The following SLCO1C1 variants were observed in gnomAD, a reference collection of about 807,000 sequenced individuals.
The protein encoded by SLCO1C1 is solute carrier organic anion transporter family member 1C1.
SLCO1C1 carries 70 observed loss-of-function variants against 76.4 expected under a neutral mutation model. The ratio of observed to expected loss-of-function variants is 0.92; its 90% CI spans 0.76 to 1.12. The LOEUF (loss-of-function observed/expected upper bound fraction) is 1.12, where lower values mean the gene tolerates loss of function less well. Among genes scored for constraint, SLCO1C1 ranks in the 50% most tolerant of loss-of-function variants. The probability of loss-of-function intolerance (pLI) is 0.00; values close to 1 mark genes in which losing one functional copy is unlikely to be tolerated. For missense variants in SLCO1C1, 912 were observed against 823.8 expected, an observed-to-expected ratio of 1.11 and a Z score of -1.31; for synonymous variants, 306 against 286.1, an observed-to-expected ratio of 1.07 and a Z score of -0.70.
At chr12:20,749,044 G>A (rs928633860) in intron 13 of SLCO1C1, among the ~76,000 whole-genome samples, 2 of 152,106 alleles carry the variant, frequency 1.3e-5, no homozygotes, top group African/African-American at 4.8e-5. Context: ...CCATCGATGA[G>A]TCTGGATTGA....
At position 20,701,360 on chromosome 12, in the gene SLCO1C1, T is replaced by C. The variant is rs1200817561; in HGVS notation, c.172T>C (p.Leu58=). 18 of 1,540,212 alleles carry C rather than the reference T, an allele frequency of 1.2e-5. No homozygotes were observed. In the East Asian group the frequency reaches 1.8e-4, roughly 16 times the overall value. ...ALSFVYFAKA[L]AEGYLKSTIT... is the part of the protein sequence containing the mutation. Reference sequence around the variant, plus strand: ...GTCTTTTGTTTACTTTGCCAAAGCATTGGCAGAAGGCTATCTGAAGAGCAC... The same window carrying C: ...GTCTTTTGTTTACTTTGCCAAAGCACTGGCAGAAGGCTATCTGAAGAGCAC... The change falls in exon 3 of 15, where the codon TTG becomes CTG. Residue 58 remains leucine, a synonymous_variant. Transcript: ENST00000266509.
At chr12:20,718,797 A>G (rs1947508541) in intron 7 of SLCO1C1, among the ~76,000 whole-genome samples, 1 of 152,180 alleles carries the variant, frequency 6.6e-6, no homozygotes. Flanking sequence ...ACCTGAGAGC[A>G]CAGTTTGAAA....
At chr12:20,710,141 A>G (rs1402339729) in intron 4 of SLCO1C1, among the ~76,000 whole-genome samples, 1 of 148,146 alleles carries the variant, frequency 6.8e-6, no homozygotes, top group African/African-American at 2.5e-5. Context: ...CAACTTGAAT[A>G]TTTCAGTAAT....
intron 7 of SLCO1C1, among the ~76,000 whole-genome samples, chr12:20,718,592 A>G (rs1331434055): frequency 6.6e-6 from 1 of 152,214 alleles, no homozygotes; most frequent in Non-Finnish European, 1.5e-5. Flanking sequence ...CGAATTTAGT[A>G]TCATAATGAG....
rs1016347266 is a variant in SLCO1C1, at chr12:20,737,285, C to T, written c.1548+13C>T. 2 of 1,552,822 alleles carry T rather than the reference C, an allele frequency of 1.3e-6. No homozygotes were observed. The highest frequency in any genetic ancestry group is 1.7e-6 in the Non-Finnish European group (2 of 1,158,692). ...TGGAAAAAATATTGTAAGAAATCAC[C>T]TCTCAAGTATATGGCGATGGTCCTG... On this transcript the variant is annotated intron_variant, in intron 11 of 14. Coordinates refer to ENST00000266509, the MANE Select transcript of SLCO1C1 (RefSeq NM_017435.5).
At chr12:20,710,198 TTC>T (rs1231211273) in intron 4 of SLCO1C1, among the ~76,000 whole-genome samples, 1,698 of 131,834 alleles carry the variant, frequency 0.013, 101 homozygotes, top group African/African-American at 0.037. Context: ...TTCTCTACTT[TTC>T]TTTTTTTTTT....
chr12:20,740,787 TTATATATATATATATATATA>T (rs71039980), intron 12 of SLCO1C1, among the ~76,000 whole-genome samples: 2 of 75,058 alleles, frequency 2.7e-5, no homozygotes, highest in Non-Finnish European at 4.8e-5. Flanking sequence ...TTTATTTTAT[TTATATATATATATATATATA>T]TATATATATA....
At chr12:20,720,921 C>T (rs560026609) in intron 7 of SLCO1C1, among the ~76,000 whole-genome samples, 1 of 138,936 alleles carries the variant, frequency 7.2e-6, no homozygotes, top group East Asian at 2.2e-4. Context: ...CGCTTGAACC[C>T]GGGAGGCGGA....
intron 5 of SLCO1C1, 35 bp from the exon 6 acceptor site, chr12:20,715,104 C>T: frequency 1.2e-6 from 2 of 1,611,476 alleles, no homozygotes; most frequent in Non-Finnish European, 1.7e-6. Context: ...TTAAAGTGAT[C>T]TATTTTCAAT....
At chr12:20,744,293 G>A (rs982564122) in intron 13 of SLCO1C1, among the ~76,000 whole-genome samples, 13 of 152,182 alleles carry the variant, frequency 8.5e-5, no homozygotes, top group African/African-American at 3.1e-4. Flanking sequence ...TATAGATGGA[G>A]CCTACAGAGC....
chr12:20,705,656 C>A (rs1360895750), intron 3 of SLCO1C1, among the ~76,000 whole-genome samples: 2 of 151,826 alleles, frequency 1.3e-5, no homozygotes, highest in East Asian at 1.9e-4. Flanking sequence ...CTAAAGGGAG[C>A]CTTCTAGAAT....
In SLCO1C1 at chr12:20,701,431, G is replaced by A. The variant is rs1412663223; in HGVS notation, c.243G>A (p.Val81=). The change falls in exon 3 of 15, where the codon GTG becomes GTA. Residue 81 remains valine, a synonymous_variant. Transcript: ENST00000266509. The part of the protein sequence containing the change: ...ERRFDIPSSL[V]GVIDGSFEIG... ...GGTTTGATATCCCTTCTTCACTGGT[G>A]GGAGTTATTGATGGTAGTTTTGAAA... 1 of 1,526,158 alleles carries A rather than the reference G, an allele frequency of 6.6e-7. No individual in the cohort carries two copies. The highest frequency in any genetic ancestry group is 8.9e-7 in the Non-Finnish European group (1 of 1,120,190). The allele number at this position is 1,526,158 out of a possible 1,614,324, so 94.5% of individuals were successfully genotyped here. A position where few individuals can be genotyped will look rare whatever the true frequency, so the allele number is the denominator to read the frequency against.
At chr12:20,701,018 A>C (rs531351688) in intron 2 of SLCO1C1, among the ~76,000 whole-genome samples, 1 of 151,896 alleles carries the variant, frequency 6.6e-6, no homozygotes, top group Non-Finnish European at 1.5e-5. Flanking sequence ...TCAATGTAAG[A>C]CTCCTTTGAG....
intron 2 of SLCO1C1, chr12:20,699,998 C>A: frequency 4.5e-6 from 1 of 223,090 alleles, no homozygotes; most frequent in Non-Finnish European, 8.7e-6. Context: ...AAGCCAAGCA[C>A]AGATATAACA....
intron 9 of SLCO1C1, among the ~76,000 whole-genome samples, chr12:20,724,451 A>ATATGTGTG (rs1555129500): frequency 3.7e-4 from 28 of 75,382 alleles, no homozygotes; most frequent in East Asian, 4.4e-4. Context: ...ATATATATAT[A>ATATGTGTG]TGTGTGTGTG....
Position 20,752,290 on chromosome 12 carries a change from T to C in SLCO1C1, c.1917-16T>C. The C allele has an allele frequency of 1.4e-6, 2 of 1,471,570 alleles. No individual in the cohort carries two copies. The highest frequency in any genetic ancestry group is 2.1e-5 in the Admixed American group (1 of 47,366). 91.2% of individuals were successfully genotyped at this position (1,471,570 alleles called of 1,614,324 possible). Reference sequence around the variant, plus strand: ...GTTGTTGCATTAATTATAACAGAGATTCTCTCTTCTTCTAGACATATATAT... The same window carrying C: ...GTTGTTGCATTAATTATAACAGAGACTCTCTCTTCTTCTAGACATATATAT... On this transcript the variant is annotated splice_polypyrimidine_tract_variant and intron_variant, in intron 14 of 14. Coordinates refer to ENST00000266509, the MANE Select transcript of SLCO1C1 (RefSeq NM_017435.5).
chr12:20,716,386 C>G (rs1947361706), intron 6 of SLCO1C1, among the ~76,000 whole-genome samples: 1 of 152,182 alleles, frequency 6.6e-6, no homozygotes, highest in African/African-American at 2.4e-5. Flanking sequence ...CTCTTTTCCT[C>G]TGTTCCAAAA....
chr12:20,715,898 C>G (rs1269873751), intron 6 of SLCO1C1, among the ~76,000 whole-genome samples: 1 of 152,142 alleles, frequency 6.6e-6, no homozygotes, highest in Non-Finnish European at 1.5e-5. Context: ...GAGGCAAAGT[C>G]CTAAGGTAAG....
chr12:20,723,326 C>G, intron 9 of SLCO1C1, 72 bp downstream of exon 9: 1 of 1,523,964 alleles, frequency 6.6e-7, no homozygotes, highest in Non-Finnish European at 8.8e-7. Flanking sequence ...CGGGAATCTT[C>G]GAGAAGATTC....
Sources: allele counts gnomAD v4.1 joint callset (sites outside exome capture counted in the v4.1 genomes callset), GRCh38; gene constraint gnomAD v4.1.1; transcripts MANE v1.5; gene names NCBI Gene and HGNC (gene_info 2026-07-23, HGNC 2026-07-21).